CALHM5: variants seen among roughly 807,000 people sequenced by gnomAD.
CALHM5 encodes the protein calcium homeostasis modulator protein 5.
CALHM5 carries 17 observed loss-of-function variants against 20.9 expected under a neutral mutation model. The ratio of observed to expected loss-of-function variants is 0.82; its 90% CI spans 0.56 to 1.22. The LOEUF (loss-of-function observed/expected upper bound fraction) is 1.22, where lower values mean the gene tolerates loss of function less well. CALHM5 is among the 50% of genes most tolerant of loss of function. The pLI is 0.00. For synonymous variants in CALHM5, 148 were observed against 140.0 expected (o/e 1.06, Z -0.40); for missense variants, 360 against 364.6 (o/e 0.99, Z 0.10).
At chr6:116,512,426 G>A (rs902329490) in intron 1 of CALHM5, 190 bp downstream of exon 1, 2 of 600,278 alleles carry the variant, frequency 3.3e-6, no homozygotes, top group African/African-American at 3.7e-5. Context: ...TAAAGTTGCT[G>A]ACTGGATTAT....
rs1319784577 is a variant in CALHM5, at chr6:116,522,856, T to C, written c.*6867T>C. ...GCAGAATCAGACAGTATCTAAAACC[T>C]GTTGAGTCAAGCCTGCAGTTTAACG... On this transcript the variant is annotated 3_prime_UTR_variant, in exon 2 of 2. Transcript: ENST00000368599. The C allele has an allele frequency of 1.3e-5, 2 of 152,054 alleles. No individual in the cohort carries two copies. The highest frequency in any genetic ancestry group is 1.9e-4 in the East Asian group (1 of 5,178). 9.4% of individuals were successfully genotyped at this position (152,054 alleles called of 1,614,324 possible). A position where few individuals can be genotyped will look rare whatever the true frequency, so the allele number is the denominator to read the frequency against.
At position 116,523,136 on chromosome 6, in the gene CALHM5, C is replaced by G. The variant is rs1212858382; in HGVS notation, c.*7147C>G. 1 of 151,924 alleles carries G rather than the reference C, an allele frequency of 6.6e-6. No homozygotes were observed. Among genetic ancestry groups the G allele is most frequent in the Non-Finnish European group, 1.5e-5 (1 of 68,004 alleles). The allele number at this position is 151,924 out of a possible 1,614,324, so 9.4% of individuals were successfully genotyped here. The stretch of plus-strand genomic sequence containing the variant: ...TAACTGCTCTACAGCACAGAGCAGG[C>G]TATTCTGGGGAAGGCAGGCTGTAAG... On this transcript the variant is annotated 3_prime_UTR_variant, in exon 2 of 2. Transcript: ENST00000368599.
rs1772321868 is a variant in CALHM5, at chr6:116,520,881, C to T, written c.*4892C>T. Reference sequence around the variant, plus strand: ...CCAATATACCATGGGTTTTCTTGGGCTGGGATGAACTTTCAGAAGTTTTAC... The same window carrying T: ...CCAATATACCATGGGTTTTCTTGGGTTGGGATGAACTTTCAGAAGTTTTAC... On this transcript the variant is annotated 3_prime_UTR_variant, in exon 2 of 2. Transcript: ENST00000368599. The T allele has an allele frequency of 1.3e-5, 2 of 151,514 alleles. No homozygotes were observed. Among genetic ancestry groups the T allele is most frequent in the Admixed American group, 1.3e-4 (2 of 15,182 alleles). The allele number at this position is 151,514 out of a possible 1,614,324, so 9.4% of individuals were successfully genotyped here. A position where few individuals can be genotyped will look rare whatever the true frequency, so the allele number is the denominator to read the frequency against.
Position 116,515,975 on chromosome 6 carries a change from G to T in CALHM5, c.916G>T (p.Ala306Ser). Residue 306 changes from alanine to serine, a missense_variant, in exon 2 of 2, where the codon GCC (alanine) becomes TCC (serine). Ala to Ser is a moderately conservative substitution (Grantham distance 99, BLOSUM62 1). Transcript: ENST00000368599. ...DETTMVLVGT[A>S]HNM ...GACGACAATGGTCCTTGTGGGTACT[G>T]CCCACAATATGTAGCTCATCCACCA... 6.3e-7 allele frequency: 1 copy of T among 1,596,870 alleles called. No homozygotes were observed. Among genetic ancestry groups the T allele is most frequent in the Non-Finnish European group, 8.6e-7 (1 of 1,167,986 alleles).
rs1772258106 is a variant in CALHM5, at chr6:116,517,862, A to T, written c.*1873A>T. ...AGGGGCTGAAGGTTGAGTCGATCAC[A>T]AATGGATAATGATTTAATCAATCAT... On this transcript the variant is annotated 3_prime_UTR_variant, in exon 2 of 2. Coordinates refer to ENST00000368599, the MANE Select transcript of CALHM5 (RefSeq NM_153711.5). 6.6e-6 allele frequency: 1 copy of T among 152,200 alleles called. No individual in the cohort carries two copies. The highest frequency in any genetic ancestry group is 2.4e-5 in the African/African-American group (1 of 41,456). 9.4% of individuals were successfully genotyped at this position (152,200 alleles called of 1,614,324 possible).
chr6:116,521,044 A>T lies in CALHM5; in HGVS notation c.*5055A>T, dbSNP rs1024761463. 1 of 152,074 alleles carries T rather than the reference A, an allele frequency of 6.6e-6. No individual in the cohort carries two copies. The highest frequency in any genetic ancestry group is 1.5e-5 in the Non-Finnish European group (1 of 68,018). The allele number at this position is 152,074 out of a possible 1,614,324, so 9.4% of individuals were successfully genotyped here. A position where few individuals can be genotyped will look rare whatever the true frequency, so the allele number is the denominator to read the frequency against. On this transcript the variant is annotated 3_prime_UTR_variant, in exon 2 of 2. Transcript: ENST00000368599. ...CAGGGTTCTCCAGAGAAACAGAACC[A>T]ACAGTACAACAGTATATATACATAC... is the stretch of plus-strand genomic sequence containing the variant.
chr6:116,515,613 G>C lies in CALHM5; in HGVS notation c.554G>C (p.Cys185Ser). The change falls in exon 2 of 2, where the codon TGC (cysteine) becomes TCC (serine). Residue 185 changes from cysteine to serine, a missense_variant. Physicochemically the swap from Cys to Ser is moderately radical, Grantham distance 112. Transcript: ENST00000368599. Reference protein sequence around the residue: ...LQAQSQILGWCLICSASFFSL... With the variant: ...LQAQSQILGWSLICSASFFSL... ...TTTCTTCTTAAGATTCTAGGATGGTGCCTGATTTGTTCAGCGTCTTTCTTC... is the reference window on the plus strand; with the variant it reads ...TTTCTTCTTAAGATTCTAGGATGGTCCCTGATTTGTTCAGCGTCTTTCTTC... 6.2e-7 allele frequency: 1 copy of C among 1,610,550 alleles called. No individual in the cohort carries two copies.
At chr6:116,514,641 T>G (rs182709353) in intron 1 of CALHM5, among the ~76,000 whole-genome samples, 37 of 152,318 alleles carry the variant, frequency 2.4e-4, no homozygotes, top group Admixed American at 2.4e-3. Flanking sequence ...ACCTGAGTAG[T>G]GCCAGTCCAG....
Position 116,520,908 on chromosome 6 carries a change from G to T in CALHM5, c.*4919G>T, listed in dbSNP as rs1772322360. On this transcript the variant is annotated 3_prime_UTR_variant, in exon 2 of 2. Transcript: ENST00000368599. ...GGGATGAACTTTCAGAAGTTTTACAGTGAGCATTTTTTTTTTTATGAATTT... is the reference window on the plus strand; with the variant it reads ...GGGATGAACTTTCAGAAGTTTTACATTGAGCATTTTTTTTTTTATGAATTT... The T allele has an allele frequency of 6.6e-6, 1 of 151,802 alleles. No homozygotes were observed. The highest frequency in any genetic ancestry group is 1.9e-4 in the East Asian group (1 of 5,182). 9.4% of individuals were successfully genotyped at this position (151,802 alleles called of 1,614,324 possible).
At chr6:116,514,398 C>A (rs1187039336) in intron 1 of CALHM5, among the ~76,000 whole-genome samples, 1 of 152,164 alleles carries the variant, frequency 6.6e-6, no homozygotes, top group Non-Finnish European at 1.5e-5. Flanking sequence ...GTGCCTCACT[C>A]ATTAATTATA....
Position 116,515,821 on chromosome 6 carries a change from T to C in CALHM5, c.762T>C (p.Phe254=), listed in dbSNP as rs1374725819. 4 of 1,613,890 alleles carry C rather than the reference T, an allele frequency of 2.5e-6. No individual in the cohort carries two copies. The African/African-American group carries it at 4.0e-5, about 16-fold the overall frequency. The part of the protein sequence containing the change: ...CFFENKRPDP[F]PMPTFAAWEA... ...TTGAAAACAAGAGGCCAGATCCTTT[T>C]CCCATGCCTACGTTTGCTGCCTGGG... The change falls in exon 2 of 2, where the codon TTT becomes TTC. Residue 254 remains phenylalanine (F), a synonymous_variant. Coordinates refer to ENST00000368599, the MANE Select transcript of CALHM5 (RefSeq NM_153711.5).
Position 116,512,008 on chromosome 6 carries a change from T to C in CALHM5, c.312T>C (p.Thr104=). ...TCTTCTACGTCCTCGGCCAGATCAC[T>C]CTGAGCTCATTGGTGGCTCCAGTGA... ...CRFFYVLGQI[T]LSSLVAPVMW... Residue 104 remains threonine (T), a synonymous_variant, in exon 1 of 2, where the codon ACT becomes ACC. Coordinates refer to ENST00000368599, the MANE Select transcript of CALHM5 (RefSeq NM_153711.5). 1.2e-6 allele frequency: 2 copies of C among 1,614,020 alleles called. No homozygotes were observed. Among genetic ancestry groups the C allele is most frequent in the Non-Finnish European group, 1.7e-6 (2 of 1,179,960 alleles).
chr6:116,512,409 G>C, intron 1 of CALHM5, 173 bp downstream of exon 1: 1 of 724,184 alleles, frequency 1.4e-6, no homozygotes, highest in Non-Finnish European at 2.2e-6. Context: ...AAGGCTGGGT[G>C]GCTCAATAAA....
In CALHM5 at chr6:116,516,831, T is replaced by G. The variant is rs1210045899; in HGVS notation, c.*842T>G. On this transcript the variant is annotated 3_prime_UTR_variant, in exon 2 of 2. Coordinates refer to ENST00000368599, the MANE Select transcript of CALHM5 (RefSeq NM_153711.5). ...TTAAAAGAAATTAAAAACATTTTAG[T>G]GGGCCCTTACAAGTATTATGGTCCT... The G allele has an allele frequency of 6.6e-6, 1 of 151,978 alleles. No homozygotes were observed. Among genetic ancestry groups the G allele is most frequent in the Non-Finnish European group, 1.5e-5 (1 of 67,990 alleles). 9.4% of individuals were successfully genotyped at this position (151,978 alleles called of 1,614,324 possible).
At chr6:116,513,670 G>A (rs1360835402) in intron 1 of CALHM5, among the ~76,000 whole-genome samples, 1 of 152,184 alleles carries the variant, frequency 6.6e-6, no homozygotes, top group Non-Finnish European at 1.5e-5. Context: ...TCAATAGCAG[G>A]TGCTGACTAC....
rs1772219214 is a variant in CALHM5, at chr6:116,516,044, T to C, written c.*55T>C. 2 of 1,511,010 alleles carry C rather than the reference T, an allele frequency of 1.3e-6. No homozygotes were observed. Among genetic ancestry groups the C allele is most frequent in the Non-Finnish European group, 1.8e-6 (2 of 1,128,466 alleles). The allele number at this position is 1,511,010 out of a possible 1,614,324, so 93.6% of individuals were successfully genotyped here. A position where few individuals can be genotyped will look rare whatever the true frequency, so the allele number is the denominator to read the frequency against. ...GAGTGGCATGCTCATTCTGTGATCC[T>C]CCTAACGTATCACCAGCAACCTGTG... is the stretch of plus-strand genomic sequence containing the variant. On this transcript the variant is annotated 3_prime_UTR_variant, in exon 2 of 2. Coordinates refer to ENST00000368599, the MANE Select transcript of CALHM5 (RefSeq NM_153711.5).
intron 1 of CALHM5, 80 bp downstream of exon 1, chr6:116,512,316 C>T: frequency 7.1e-7 from 1 of 1,411,608 alleles, no homozygotes; most frequent in Middle Eastern, 1.9e-4. Context: ...CCAGGGCTGT[C>T]TGTGTCCTGT....
rs1411223059 is a variant in CALHM5, at chr6:116,511,845, A to G, written c.149A>G (p.Tyr50Cys). The change falls in exon 1 of 2, where the codon TAT (tyrosine) becomes TGT (cysteine). Residue 50 changes from tyrosine (Y) to cysteine (C), a missense_variant. Transcript: ENST00000368599. ...CCCTGCAGCACTGAGAATATGACCT[A>G]TGGGCTGGTTTTCCTCTTTGCTCCT... ...KCPCSTENMT[Y>C]GLVFLFAPAW... The G allele has an allele frequency of 3.7e-6, 6 of 1,613,900 alleles. No individual in the cohort carries two copies. Among genetic ancestry groups the G allele is most frequent in the Non-Finnish European group, 4.2e-6 (5 of 1,179,998 alleles).
intron 1 of CALHM5, among the ~76,000 whole-genome samples, chr6:116,513,552 T>C (rs779467490): frequency 2.0e-5 from 3 of 152,180 alleles, no homozygotes; most frequent in Non-Finnish European, 4.4e-5. Context: ...CATCATGTCA[T>C]AGCTTAGGCT....
Sources: gnomAD v4.1 joint callset for allele counts (sites outside exome capture counted in the v4.1 genomes callset) on GRCh38, gnomAD v4.1.1 for gene constraint, MANE v1.5 for transcripts, NCBI Gene and HGNC (gene_info 2026-07-23, HGNC 2026-07-21) for gene names.